Variants in ABCA12 observed in about 807,000 individuals in gnomAD.
ABCA12 encodes ATP binding cassette subfamily A member 12.
A neutral mutation model predicts 293.5 loss-of-function variants in ABCA12; 156 were observed. That is an observed-to-expected ratio of 0.53 (90% CI 0.47 to 0.61). The LOEUF is 0.61. Among genes scored for constraint, ABCA12 ranks in the 20% least tolerant of loss-of-function variants. ABCA12 has a pLI of 0.00. For missense variants in ABCA12, 2,797 were observed against 3,090.2 expected (o/e 0.91, Z 2.25); for synonymous variants, 1,063 against 1,108.0 (o/e 0.96, Z 0.81).
chr2:215,054,171 G>T (rs1701374753), intron 4 of ABCA12, among the ~76,000 whole-genome samples: 1 of 152,022 alleles, frequency 6.6e-6, no homozygotes, highest in Non-Finnish European at 1.5e-5. Context: ...ACTTAACTTT[G>T]TTGAGCCTCA....
intron 1 of ABCA12, among the ~76,000 whole-genome samples, chr2:215,116,384 GAGAC>G (rs1239212181): frequency 6.6e-6 from 1 of 152,090 alleles, no homozygotes; most frequent in Non-Finnish European, 1.5e-5. Context: ...GATAAAGAAA[GAGAC>G]AGATGATACA....
intron 2 of ABCA12, chr2:215,075,714 T>A (rs1701821791): frequency 1.7e-6 from 1 of 587,410 alleles, no homozygotes; most frequent in Admixed American, 3.3e-5. Flanking sequence ...TTAAAAGTAA[T>A]GAAATGGAGA....
intron 39 of ABCA12, among the ~76,000 whole-genome samples, chr2:214,964,064 C>G (rs1699191742): frequency 6.6e-6 from 1 of 152,058 alleles, no homozygotes; most frequent in Non-Finnish European, 1.5e-5. Context: ...CCCTAGGATG[C>G]AAGGTTGGTT....
At chr2:215,004,530 C>T (rs1159441826) in intron 19 of ABCA12, among the ~76,000 whole-genome samples, 1 of 152,182 alleles carries the variant, frequency 6.6e-6, no homozygotes, top group Non-Finnish European at 1.5e-5. Context: ...GGTCAGCATG[C>T]ACAGTGGCCA....
At chr2:215,068,215 G>A (rs1429530512) in intron 2 of ABCA12, among the ~76,000 whole-genome samples, 1 of 152,098 alleles carries the variant, frequency 6.6e-6, no homozygotes, top group Non-Finnish European at 1.5e-5. Flanking sequence ...GAAACTCTGG[G>A]GATGGGGTTC....
Position 214,947,415 on chromosome 2 carries a change from C to G in ABCA12, c.7239+7G>C. On this transcript the variant is annotated splice_region_variant and intron_variant, in intron 48 of 52. Coordinates refer to ENST00000272895, the MANE Select transcript of ABCA12 (RefSeq NM_173076.3). Reference sequence around the variant, plus strand: ...GGAGTGGCCTGTTTAAATAATGATTCTCTTACCAGCAGTAGAATGGAAGGT... The same window carrying G: ...GGAGTGGCCTGTTTAAATAATGATTGTCTTACCAGCAGTAGAATGGAAGGT... 2.5e-6 allele frequency: 4 copies of G among 1,613,760 alleles called. No individual in the cohort carries two copies. Among genetic ancestry groups the G allele is most frequent in the South Asian group, 1.1e-5 (1 of 91,070 alleles).
chr2:214,977,403 A>G (rs1248266741), intron 33 of ABCA12, among the ~76,000 whole-genome samples: 1 of 152,206 alleles, frequency 6.6e-6, no homozygotes, highest in African/African-American at 2.4e-5. Flanking sequence ...GACAGAGGAC[A>G]AATTAGCCTC....
chr2:215,018,117 A>G lies in ABCA12; in HGVS notation c.1673T>C (p.Met558Thr), dbSNP rs748278007. The G allele has an allele frequency of 1.2e-6, 2 of 1,613,372 alleles. No individual in the cohort carries two copies. The highest frequency in any genetic ancestry group is 8.5e-7 in the Non-Finnish European group (1 of 1,179,808). Reference sequence around the variant, plus strand: ...TTTCAGCTCTTCAACATTTTTAAACATTTCTAGTAACTGACCTGCAAGAAG... The same window carrying G: ...TTTCAGCTCTTCAACATTTTTAAACGTTTCTAGTAACTGACCTGCAAGAAG... ...ASEKPGQLLEMFKNVEELKED... is the reference protein window; with the variant it reads ...ASEKPGQLLETFKNVEELKED... Residue 558 changes from methionine to threonine, a missense_variant, in exon 14 of 53, where the codon ATG becomes ACG. This residue lies in a region of ABCA12 where 656 missense variants were observed against 638.2 expected (regional missense o/e 1.03). Transcript: ENST00000272895.
intron 36 of ABCA12, among the ~76,000 whole-genome samples, chr2:214,972,551 G>A (rs549926522): frequency 3.9e-5 from 6 of 152,046 alleles, no homozygotes; most frequent in East Asian, 1.9e-4. Context: ...GGGACTACAC[G>A]TGCACACCAC....
At chr2:215,055,097 T>G (rs1266104950) in intron 3 of ABCA12, among the ~76,000 whole-genome samples, 2 of 152,118 alleles carry the variant, frequency 1.3e-5, no homozygotes, top group Admixed American at 1.3e-4. Flanking sequence ...AAATTATAGA[T>G]GGCCTTTTAA....
At chr2:214,950,382 A>ATC (rs1553519957) in intron 45 of ABCA12, among the ~76,000 whole-genome samples, 3 of 122,800 alleles carry the variant, frequency 2.4e-5, no homozygotes, top group Admixed American at 1.7e-4. Context: ...GTATATATAT[A>ATC]TCTGTGTGTG....
In ABCA12 at chr2:214,960,659, A is replaced by G. The variant is rs182428762; in HGVS notation, c.5885-1581T>C. The G allele has an allele frequency of 1.1e-4, 16 of 152,270 alleles. No individual in the cohort carries two copies. In the East Asian group the frequency reaches 3.1e-3, roughly 29 times the overall value. 9.4% of individuals were successfully genotyped at this position (152,270 alleles called of 1,614,324 possible). A position where few individuals can be genotyped will look rare whatever the true frequency, so the allele number is the denominator to read the frequency against. On this transcript the variant is annotated intron_variant, in intron 39 of 52. Coordinates refer to ENST00000272895, the MANE Select transcript of ABCA12 (RefSeq NM_173076.3). ...TTAATATTTTTCTTACATATAATGTATATTAAAAATAAGACATCTTCTGAT... is the reference window on the plus strand; with the variant it reads ...TTAATATTTTTCTTACATATAATGTGTATTAAAAATAAGACATCTTCTGAT...
intron 7 of ABCA12, among the ~76,000 whole-genome samples, chr2:215,037,863 A>T (rs1701023447): frequency 6.6e-6 from 1 of 152,218 alleles, no homozygotes. Context: ...ATTTGTATCA[A>T]CAGTTGAGTC....
intron 8 of ABCA12, among the ~76,000 whole-genome samples, chr2:215,033,081 T>C (rs1700913948): frequency 6.6e-6 from 1 of 152,238 alleles, no homozygotes; most frequent in South Asian, 2.1e-4. Context: ...CTCAGGTTTT[T>C]CTGTTCAGCA....
At chr2:215,027,657 C>T (rs1700779004) in intron 9 of ABCA12, among the ~76,000 whole-genome samples, 1 of 152,042 alleles carries the variant, frequency 6.6e-6, no homozygotes. Context: ...ACGAGTCCTG[C>T]AATTTTTTTT....
intron 3 of ABCA12, 60 bp downstream of exon 3, chr2:215,064,006 C>T: frequency 6.2e-7 from 1 of 1,608,542 alleles, no homozygotes; most frequent in Non-Finnish European, 8.5e-7. Flanking sequence ...CTGGCTATCT[C>T]AGAAGGAAAC....
intron 8 of ABCA12, chr2:215,035,936 A>C (rs1282583461): frequency 6.6e-6 from 1 of 152,192 alleles, no homozygotes; most frequent in African/African-American, 2.4e-5. Flanking sequence ...GGTAATAAGG[A>C]GAACCATTAA....
At chr2:215,088,488 T>TG (rs1353881795) in intron 2 of ABCA12, among the ~76,000 whole-genome samples, 1 of 152,242 alleles carries the variant, frequency 6.6e-6, no homozygotes, top group Non-Finnish European at 1.5e-5. Context: ...TTAAATGTGT[T>TG]GAAAATGTGT....
chr2:214,968,752 T>C lies in ABCA12; in HGVS notation c.5746A>G (p.Thr1916Ala), dbSNP rs1699322614. 1 of 1,613,366 alleles carries C rather than the reference T, an allele frequency of 6.2e-7. No homozygotes were observed. The highest frequency in any genetic ancestry group is 8.5e-7 in the Non-Finnish European group (1 of 1,179,402). ...PLTKDLRFDI[T>A]GVPANRTLAK... ...AGTGTTCTATTGGCAGGGACTCCTG[T>C]TATATCAAAACGAAGGTCTTTTGTC... The change falls in exon 38 of 53, where the codon ACA (threonine) becomes GCA (alanine). Residue 1916 changes from threonine (T) to alanine (A), a missense_variant. Transcript: ENST00000272895.
Sources: gnomAD v4.1 joint callset for allele counts (sites outside exome capture counted in the v4.1 genomes callset) on GRCh38, gnomAD v4.1.1 for gene constraint, gnomAD v4.1.1 regional missense constraint, MANE v1.5 for transcripts, NCBI Gene and HGNC (gene_info 2026-07-23, HGNC 2026-07-21) for gene names.